Variants in GPR158 observed in about 807,000 individuals in gnomAD.
GPR158 encodes metabotropic glycine receptor.
Under a neutral mutation model 78.2 loss-of-function variants are expected in GPR158, and 30 were observed. The observed-to-expected ratio is 0.38, with a 90% confidence interval of 0.29 to 0.52. GPR158 has a LOEUF of 0.52. Ranked by LOEUF, GPR158 falls within the 20% of genes least tolerant of loss-of-function variation. The probability of loss-of-function intolerance (pLI) is 0.83; values close to 1 mark genes in which losing one functional copy is unlikely to be tolerated. For synonymous variants in GPR158, 581 were observed against 591.1 expected (o/e 0.98, Z 0.25); for missense variants, 1,463 against 1,523.5 (o/e 0.96, Z 0.66).
At position 25,289,251 on chromosome 10, in the gene GPR158, G is replaced by C. The variant is rs544168945; in HGVS notation, c.1008+68094G>C. Among the ~76,000 whole-genome samples the C allele has an allele frequency of 2.1e-4, 32 of 152,184 alleles. No individual in the cohort carries two copies. The South Asian group carries it at 6.4e-3, about 31-fold the overall frequency. On this transcript the variant is annotated intron_variant, in intron 2 of 10. Coordinates refer to ENST00000376351, the MANE Select transcript of GPR158 (RefSeq NM_020752.3). ...AGCTACTACTTTCCAATGAATTTGT[G>C]GTGGGTCTAGTATAGGTATTGATGT... is the stretch of plus-strand genomic sequence containing the variant.
intron 7 of GPR158, among the ~76,000 whole-genome samples, chr10:25,588,165 T>C (rs1213570373): frequency 6.6e-6 from 1 of 152,262 alleles, no homozygotes; most frequent in East Asian, 1.9e-4. Flanking sequence ...AAGTGCTTTC[T>C]ATGCATTATT....
At chr10:25,386,505 CT>C (rs1316768145) in intron 2 of GPR158, among the ~76,000 whole-genome samples, 2 of 152,140 alleles carry the variant, frequency 1.3e-5, no homozygotes, top group Non-Finnish European at 2.9e-5. Flanking sequence ...TACATTCAAT[CT>C]GTAGTTTTGC....
At chr10:25,477,048 CAGTTA>C (rs1423696942) in intron 5 of GPR158, among the ~76,000 whole-genome samples, 5 of 152,112 alleles carry the variant, frequency 3.3e-5, no homozygotes, top group Admixed American at 2.0e-4. Flanking sequence ...GAACCTATGT[CAGTTA>C]AGAGATTGTT....
chr10:25,197,190 A>T (rs2130650193), intron 1 of GPR158, among the ~76,000 whole-genome samples: 1 of 152,240 alleles, frequency 6.6e-6, no homozygotes, highest in East Asian at 1.9e-4. Flanking sequence ...CAGTCTTCTT[A>T]CCCTTATACT....
intron 2 of GPR158, among the ~76,000 whole-genome samples, chr10:25,395,270 T>C (rs1380842510): frequency 6.6e-6 from 1 of 152,194 alleles, no homozygotes; most frequent in Non-Finnish European, 1.5e-5. Context: ...CTGTTTTTCT[T>C]CCTTATATGT....
At chr10:25,317,716 G>GTTTTTTTTTTTTTTTTTTTTTTTTTTT (rs756759445) in intron 2 of GPR158, among the ~76,000 whole-genome samples, 5 of 134,064 alleles carry the variant, frequency 3.7e-5, no homozygotes, top group South Asian at 2.4e-4. Flanking sequence ...TTCGTAAAGT[G>GTTTTTTTTTTTTTTTTTTTTTTTTTTT]TTTTTTTTTG....
At chr10:25,529,857 TG>T (rs1464350897) in intron 5 of GPR158, among the ~76,000 whole-genome samples, 1 of 152,222 alleles carries the variant, frequency 6.6e-6, no homozygotes, top group Non-Finnish European at 1.5e-5. Flanking sequence ...TGCCTAGACC[TG>T]CCCCGTTCTG....
chr10:25,433,721 G>A (rs1588862289), intron 4 of GPR158, among the ~76,000 whole-genome samples: 2 of 131,428 alleles, frequency 1.5e-5, no homozygotes, highest in East Asian at 2.1e-4. Flanking sequence ...TGGTACAGGT[G>A]GGGTTCTTGC....
At chr10:25,295,347 A>G (rs1245784010) in intron 2 of GPR158, among the ~76,000 whole-genome samples, 1 of 152,246 alleles carries the variant, frequency 6.6e-6, no homozygotes, top group East Asian at 1.9e-4. Context: ...CCCATCAGCC[A>G]GAGTAACTGA....
intron 2 of GPR158, among the ~76,000 whole-genome samples, chr10:25,258,379 C>T (rs182884424): frequency 2.0e-5 from 3 of 152,250 alleles, no homozygotes; most frequent in Admixed American, 1.3e-4. Context: ...CCCCTGATTG[C>T]GGCTTACCTT....
At chr10:25,515,904 T>G (rs1384384963) in intron 5 of GPR158, among the ~76,000 whole-genome samples, 1 of 147,648 alleles carries the variant, frequency 6.8e-6, no homozygotes, top group South Asian at 2.1e-4. Flanking sequence ...ATGGCTGGGT[T>G]AAATGGTATT....
rs543009598 is a variant in GPR158, at chr10:25,543,838, T to C, written c.1405-7138T>C. On this transcript the variant is annotated intron_variant, in intron 5 of 10. Transcript: ENST00000376351. ...TGGCTCAATGGTATTCCATGGTATA[T>C]GAATTGTGAGAGCATTTGAAAAAAC... 7.2e-5 allele frequency among the ~76,000 whole-genome samples: 11 copies of C among 152,306 alleles called. No individual in the cohort carries two copies. In the East Asian group the frequency reaches 1.7e-3, roughly 24 times the overall value.
chr10:25,309,742 T>C (rs968498527), intron 2 of GPR158, among the ~76,000 whole-genome samples: 3 of 151,382 alleles, frequency 2.0e-5, no homozygotes, highest in African/African-American at 7.3e-5. Context: ...ATAAGTCTCA[T>C]GAGATCTGAT....
intron 5 of GPR158, among the ~76,000 whole-genome samples, chr10:25,535,225 G>A (rs1463485232): frequency 6.6e-6 from 1 of 152,182 alleles, no homozygotes; most frequent in African/African-American, 2.4e-5. Context: ...CATGGCCTAT[G>A]TAATTCTCAC....
At chr10:25,535,890 G>A (rs757774948) in intron 5 of GPR158, among the ~76,000 whole-genome samples, 1 of 152,184 alleles carries the variant, frequency 6.6e-6, no homozygotes, top group African/African-American at 2.4e-5. Context: ...TGATTCAAAT[G>A]TGACAAATAT....
chr10:25,182,827 C>T (rs1461170593), intron 1 of GPR158, among the ~76,000 whole-genome samples: 1 of 152,196 alleles, frequency 6.6e-6, no homozygotes, highest in Admixed American at 6.5e-5. Context: ...GCATTAGGCC[C>T]TGGCTGTTTT....
chr10:25,300,219 G>A (rs1854572805), intron 2 of GPR158, among the ~76,000 whole-genome samples: 1 of 152,202 alleles, frequency 6.6e-6, no homozygotes, highest in African/African-American at 2.4e-5. Flanking sequence ...TTTGGAGGCT[G>A]TCGGAAGAAT....
At chr10:25,196,749 C>A (rs1238546252) in intron 1 of GPR158, among the ~76,000 whole-genome samples, 1 of 152,214 alleles carries the variant, frequency 6.6e-6, no homozygotes, top group African/African-American at 2.4e-5. Flanking sequence ...GTCTTTCAAT[C>A]TCTGCAGAAG....
At chr10:25,382,738 G>A (rs2130567246) in intron 2 of GPR158, among the ~76,000 whole-genome samples, 1 of 152,244 alleles carries the variant, frequency 6.6e-6, no homozygotes, top group East Asian at 1.9e-4. Context: ...AGAGGCTACT[G>A]AATGTTAATA....
Sources: gnomAD v4.1 joint callset for allele counts (sites outside exome capture counted in the v4.1 genomes callset) on GRCh38, gnomAD v4.1.1 for gene constraint, MANE v1.5 for transcripts, NCBI Gene and HGNC (gene_info 2026-07-23, HGNC 2026-07-21) for gene names.